Variants in PHEX observed in about 807,000 individuals in gnomAD.
The protein encoded by PHEX is phosphate-regulating neutral endopeptidase PHEX.
In PHEX, 16 loss-of-function variants were observed where a neutral mutation model predicts 68.0. The ratio of observed to expected loss-of-function variants is 0.24; its 90% CI spans 0.16 to 0.36. The LOEUF (loss-of-function observed/expected upper bound fraction) is 0.36, where lower values mean the gene tolerates loss of function less well. PHEX is among the 10% of genes least tolerant of loss of function. The probability of loss-of-function intolerance (pLI) is 1.00; values close to 1 mark genes in which losing one functional copy is unlikely to be tolerated. For missense variants in PHEX, 480 were observed against 575.5 expected, an observed-to-expected ratio of 0.83 and a Z score of 1.70; for synonymous variants, 208 against 205.1, an observed-to-expected ratio of 1.01 and a Z score of -0.12.
chrX:22,077,752 T>C, intron 5 of PHEX, 50 bp downstream of exon 5: 1 of 942,545 alleles, frequency 1.1e-6, no homozygotes, highest in Non-Finnish European at 1.5e-6. Context: ...GATTAGCCTT[T>C]TGGGGTGCCA....
intron 17 of PHEX, among the ~76,000 whole-genome samples, chrX:22,219,810 G>A (rs1935213002): frequency 9.0e-6 from 1 of 110,695 alleles, no homozygotes; most frequent in Non-Finnish European, 1.9e-5. Flanking sequence ...ATAGAGACGG[G>A]GTTTCACCAC....
In PHEX at chrX:22,092,202, G is replaced by A. The variant is rs113631872; in HGVS notation, c.732+1705G>A. On this transcript the variant is annotated intron_variant, in intron 6 of 21. Transcript: ENST00000379374. ...AGCGTGTAGCAGCTTTATTAAGGAA[G>A]TTATTTTGATGTCTTTAATGTTACA... Among the ~76,000 whole-genome samples, 660 of 111,168 alleles carry A rather than the reference G, an allele frequency of 5.9e-3. 2 individuals carry two copies. Among genetic ancestry groups the A allele is most frequent in the African/African-American group, 0.02 (606 of 30,586 alleles).
chrX:22,194,064 G>T (rs1934287758), intron 15 of PHEX, among the ~76,000 whole-genome samples: 1 of 111,691 alleles, frequency 9.0e-6, no homozygotes, highest in Non-Finnish European at 1.9e-5. Flanking sequence ...TCCATCTCCA[G>T]GGTTCACCCC....
intron 18 of PHEX, among the ~76,000 whole-genome samples, chrX:22,222,306 CTG>C (rs1935295172): frequency 8.9e-6 from 1 of 111,806 alleles, no homozygotes; most frequent in Non-Finnish European, 1.9e-5. Context: ...GGTTTTCACA[CTG>C]TGAAAATTCA....
chrX:22,041,585 C>T (rs1446106003), intron 2 of PHEX, among the ~76,000 whole-genome samples: 3 of 109,785 alleles, frequency 2.7e-5, no homozygotes, highest in Admixed American at 9.8e-5. Flanking sequence ...CTTTCCTGCT[C>T]CAGGCTTGAG....
intron 10 of PHEX, among the ~76,000 whole-genome samples, chrX:22,113,607 G>A (rs1931089903): frequency 9.0e-6 from 1 of 111,602 alleles, no homozygotes; most frequent in African/African-American, 3.3e-5. Flanking sequence ...GTTTATCAGT[G>A]TGTTTTTTGC....
intron 18 of PHEX, among the ~76,000 whole-genome samples, chrX:22,223,086 C>T (rs929257028): frequency 7.1e-5 from 8 of 112,299 alleles, no homozygotes; most frequent in Non-Finnish European, 1.3e-4. Flanking sequence ...ATAGAAAGGG[C>T]ATGCCTGTCT....
chrX:22,160,714 G>A (rs916112950), intron 12 of PHEX, among the ~76,000 whole-genome samples: 11 of 111,393 alleles, frequency 9.9e-5, no homozygotes, highest in African/African-American at 2.9e-4. Context: ...CTCCCATGAC[G>A]TGGGAATTAT....
At chrX:22,130,962 A>G (rs1931965704) in intron 11 of PHEX, among the ~76,000 whole-genome samples, 1 of 111,203 alleles carries the variant, frequency 9.0e-6, no homozygotes, top group Non-Finnish European at 1.9e-5. Flanking sequence ...CCCAGGCTGG[A>G]CCTCAGAACA....
Position 22,178,311 on chromosome X carries a change from A to C in PHEX, c.1521A>C (p.Leu507=), listed in dbSNP as rs748298612. 3 of 1,205,330 alleles carry C rather than the reference A, an allele frequency of 2.5e-6. No individual in the cohort carries two copies. The South Asian group carries it at 5.3e-5, about 21-fold the overall frequency. The part of the protein sequence containing the change: ...FSEADYFGNV[L]QTRKYLAQSD... ...AAGCCGACTACTTTGGCAACGTCCT[A>C]CAAACTCGCAAGTATTTAGCACAGT... The change falls in exon 14 of 22, where the codon CTA becomes CTC. Residue 507 remains leucine, a synonymous_variant. Transcript: ENST00000379374.
At chrX:22,140,197 G>C (rs1270334463) in intron 12 of PHEX, among the ~76,000 whole-genome samples, 1 of 111,405 alleles carries the variant, frequency 9.0e-6, no homozygotes, top group Non-Finnish European at 1.9e-5. Context: ...TGTTCATTAA[G>C]TGATTGTCTT....
intron 20 of PHEX, among the ~76,000 whole-genome samples, chrX:22,234,727 AG>A (rs1347453411): frequency 9.1e-6 from 1 of 109,498 alleles, no homozygotes; most frequent in East Asian, 2.9e-4. Context: ...GGACCCGCCA[AG>A]CCAGACCACT....
chrX:22,055,899 T>C (rs16981731), intron 3 of PHEX, among the ~76,000 whole-genome samples: 9,031 of 111,563 alleles, frequency 0.081, 497 homozygotes, highest in African/African-American at 0.2. Flanking sequence ...CCTCAGTGCA[T>C]GTCCTTGTCT....
chrX:22,146,939 T>C (rs758257364), intron 12 of PHEX, among the ~76,000 whole-genome samples: 5 of 112,085 alleles, frequency 4.5e-5, no homozygotes, highest in African/African-American at 1.6e-4. Flanking sequence ...AGTTTAAACA[T>C]GTACTGTAAA....
At chrX:22,048,873 G>A (rs1324948647) in intron 3 of PHEX, among the ~76,000 whole-genome samples, 1 of 111,645 alleles carries the variant, frequency 9.0e-6, no homozygotes, top group African/African-American at 3.3e-5. Context: ...TCATAAATCC[G>A]TCACAAGAAA....
chrX:22,034,764 C>T (rs1008799423), intron 1 of PHEX, among the ~76,000 whole-genome samples: 1 of 112,229 alleles, frequency 8.9e-6, no homozygotes. Flanking sequence ...AGCTCCACCC[C>T]AGACCCGCTG....
At chrX:22,151,072 C>T (rs183848181) in intron 12 of PHEX, among the ~76,000 whole-genome samples, 29 of 111,991 alleles carry the variant, frequency 2.6e-4, no homozygotes, top group African/African-American at 9.1e-4. Context: ...TTGTCTAAGG[C>T]GACAGAGGCT....
chrX:22,133,413 C>T (rs1932096934), intron 11 of PHEX, 110 bp from the exon 12 acceptor site: 2 of 564,798 alleles, frequency 3.5e-6, no homozygotes, highest in Non-Finnish European at 3.1e-6. Context: ...GAACCCCTTA[C>T]TTACCATGTT....
intron 11 of PHEX, among the ~76,000 whole-genome samples, chrX:22,131,247 G>C (rs763058042): frequency 9.1e-6 from 1 of 110,426 alleles, no homozygotes; most frequent in African/African-American, 3.3e-5. Flanking sequence ...CACCATGTTG[G>C]CCAGGCTGGT....
Sources: gnomAD v4.1 joint callset for allele counts (sites outside exome capture counted in the v4.1 genomes callset) on GRCh38, gnomAD v4.1.1 for gene constraint, MANE v1.5 for transcripts, NCBI Gene and HGNC (gene_info 2026-07-23, HGNC 2026-07-21) for gene names.